The following DLGAP2 variants were observed in gnomAD, a reference collection of about 807,000 sequenced individuals.
DLGAP2 encodes DLG associated protein 2, also known as disks large-associated protein 2.
Under a neutral mutation model 100.3 loss-of-function variants are expected in DLGAP2, and 26 were observed. The ratio of observed to expected loss-of-function variants is 0.26; its 90% CI spans 0.19 to 0.36. DLGAP2 has a LOEUF of 0.36. DLGAP2 is among the 10% of genes least tolerant of loss of function. DLGAP2 has a pLI of 1.00. For missense variants in DLGAP2, 1,858 were observed against 1,453.2 expected, an observed-to-expected ratio of 1.28 and a Z score of -4.53; for synonymous variants, 886 against 630.1, an observed-to-expected ratio of 1.41 and a Z score of -6.08.
At chr8:858,284 G>A (rs1422530031) in intron 1 of DLGAP2, among the ~76,000 whole-genome samples, 1 of 152,244 alleles carries the variant, frequency 6.6e-6, no homozygotes, top group Non-Finnish European at 1.5e-5. Flanking sequence ...AAAGGACGTG[G>A]AGCAACCGTA....
At chr8:1,165,476 A>C (rs1023006983) in intron 2 of DLGAP2, among the ~76,000 whole-genome samples, 2 of 152,108 alleles carry the variant, frequency 1.3e-5, no homozygotes, top group Admixed American at 6.5e-5. Flanking sequence ...TTTTGGTGCA[A>C]AGGGCATCGC....
At chr8:753,863 G>A (rs1820853292) in intron 1 of DLGAP2, 1 of 152,222 alleles carries the variant, frequency 6.6e-6, no homozygotes, top group Non-Finnish European at 1.5e-5. Flanking sequence ...GCCGCCGTGG[G>A]GTCGGCCGTT....
intron 2 of DLGAP2, among the ~76,000 whole-genome samples, chr8:1,117,322 G>A (rs1339992504): frequency 6.6e-6 from 1 of 152,206 alleles, no homozygotes; most frequent in African/African-American, 2.4e-5. Context: ...GTGCCACACT[G>A]GGGACGCCAC....
At chr8:925,482 T>C (rs1281805747) in intron 2 of DLGAP2, among the ~76,000 whole-genome samples, 2 of 152,076 alleles carry the variant, frequency 1.3e-5, no homozygotes, top group Non-Finnish European at 2.9e-5. Flanking sequence ...GGATTTGTGG[T>C]GGTCCAGGAA....
intron 3 of DLGAP2, among the ~76,000 whole-genome samples, chr8:1,273,039 T>A (rs1432392573): frequency 6.6e-6 from 1 of 152,122 alleles, no homozygotes; most frequent in Admixed American, 6.5e-5. Context: ...TCCAACAAAG[T>A]CCATTTGACC....
chr8:1,544,008 T>A (rs1801450625), intron 4 of DLGAP2, among the ~76,000 whole-genome samples: 1 of 151,934 alleles, frequency 6.6e-6, no homozygotes, highest in African/African-American at 2.4e-5. Context: ...ACTCAAGCAA[T>A]CCTCCCACAT....
chr8:1,423,503 G>A (rs918970380), intron 3 of DLGAP2, among the ~76,000 whole-genome samples: 1 of 152,234 alleles, frequency 6.6e-6, no homozygotes, highest in Non-Finnish European at 1.5e-5. Flanking sequence ...GCACCAGCTT[G>A]TCAAGGCATC....
At chr8:1,053,850 C>T (rs1168224747) in intron 2 of DLGAP2, among the ~76,000 whole-genome samples, 1 of 152,102 alleles carries the variant, frequency 6.6e-6, no homozygotes, top group African/African-American at 2.4e-5. Flanking sequence ...AGAATGGATT[C>T]CTGTGCTAGT....
At chr8:1,306,091 A>AAAAAAAAAAG (rs1563073469) in intron 3 of DLGAP2, among the ~76,000 whole-genome samples, 2 of 131,466 alleles carry the variant, frequency 1.5e-5, no homozygotes, top group Non-Finnish European at 3.2e-5. Context: ...AAAAAAAAAA[A>AAAAAAAAAAG]AGAGAGAGGG....
chr8:1,091,706 A>G (rs955732938), intron 2 of DLGAP2, among the ~76,000 whole-genome samples: 1 of 152,064 alleles, frequency 6.6e-6, no homozygotes, highest in Admixed American at 6.5e-5. Context: ...TTGTGGGTGG[A>G]CGTCTGGGTT....
At chr8:1,269,580 C>G (rs1199262807) in intron 3 of DLGAP2, among the ~76,000 whole-genome samples, 1 of 152,162 alleles carries the variant, frequency 6.6e-6, no homozygotes, top group East Asian at 1.9e-4. Flanking sequence ...GTGCTCTCCT[C>G]TCTGATTGGT....
At chr8:1,226,858 G>C (rs1798426421) in intron 2 of DLGAP2, among the ~76,000 whole-genome samples, 1 of 152,044 alleles carries the variant, frequency 6.6e-6, no homozygotes, top group Non-Finnish European at 1.5e-5. Context: ...TGAAAAGAGA[G>C]AGGAGATAAC....
chr8:1,417,275 G>A (rs1242979469), intron 3 of DLGAP2, among the ~76,000 whole-genome samples: 2 of 152,032 alleles, frequency 1.3e-5, no homozygotes, highest in Non-Finnish European at 1.5e-5. Flanking sequence ...CGTCTGAGGC[G>A]GGAGGAGAGA....
intron 4 of DLGAP2, among the ~76,000 whole-genome samples, chr8:1,523,703 G>A (rs1402915862): frequency 6.6e-6 from 1 of 152,146 alleles, no homozygotes; most frequent in East Asian, 1.9e-4. Context: ...GTCAATTATG[G>A]CACTAATCAT....
At chr8:1,577,111 C>T (rs1403424594) in intron 6 of DLGAP2, among the ~76,000 whole-genome samples, 25 of 152,268 alleles carry the variant, frequency 1.6e-4, no homozygotes. Flanking sequence ...GAGTACTGCA[C>T]ATTTCAGTAT....
chr8:1,183,956 T>C (rs939952635), intron 2 of DLGAP2, among the ~76,000 whole-genome samples: 1 of 152,214 alleles, frequency 6.6e-6, no homozygotes, highest in African/African-American at 2.4e-5. Context: ...ATTAAAGTAA[T>C]ATATGTAAAA....
chr8:1,116,306 G>T (rs1034289419), intron 2 of DLGAP2, among the ~76,000 whole-genome samples: 1 of 152,232 alleles, frequency 6.6e-6, no homozygotes, highest in Non-Finnish European at 1.5e-5. Flanking sequence ...CAAAGCACCA[G>T]CTGTGTCTCA....
rs1422754818 is a variant in DLGAP2 at position 1,192,900 on chromosome 8, C to A, written c.74-65951C>A. Among the ~76,000 whole-genome samples, 12 of 152,046 alleles carry A rather than the reference C, an allele frequency of 7.9e-5. No homozygotes were observed. The East Asian group carries it at 2.1e-3, about 27-fold the overall frequency. On this transcript the variant is annotated intron_variant, in intron 2 of 14. Transcript: ENST00000637795. ...AAGTGATTTCATTGTTCACTTCCCA[C>A]CTATGAGTGAGAACATGCGGTGTTT...
intron 2 of DLGAP2, among the ~76,000 whole-genome samples, chr8:952,547 G>C (rs1478373545): frequency 6.6e-6 from 1 of 152,090 alleles, no homozygotes; most frequent in Non-Finnish European, 1.5e-5. Flanking sequence ...TGAGGTGGGA[G>C]AATCATTTGA....
Sources: allele counts gnomAD v4.1 joint callset (sites outside exome capture counted in the v4.1 genomes callset), GRCh38; gene constraint gnomAD v4.1.1; transcripts MANE v1.5; gene names NCBI Gene and HGNC (gene_info 2026-07-23, HGNC 2026-07-21).